Variants in BSN observed in about 807,000 individuals in gnomAD.
BSN encodes the protein bassoon presynaptic cytomatrix protein.
A neutral mutation model predicts 264.8 loss-of-function variants in BSN; 57 were observed. That is an observed-to-expected ratio of 0.22 (90% CI 0.17 to 0.27). The LOEUF (loss-of-function observed/expected upper bound fraction) is 0.27. BSN is among the 10% of genes least tolerant of loss of function. The pLI is 1.00. For synonymous variants in BSN, 2,059 were observed against 2,137.3 expected (o/e 0.96, Z 1.01); for missense variants, 4,615 against 5,232.5 (o/e 0.88, Z 3.64).
At position 49,653,963 on chromosome 3, in the gene BSN, A is replaced by G. The variant is rs775040854; in HGVS notation, c.4407A>G (p.Ala1469=). 1 of 1,614,038 alleles carries G rather than the reference A, an allele frequency of 6.2e-7. No individual in the cohort carries two copies. The highest frequency in any genetic ancestry group is 2.2e-5 in the East Asian group (1 of 44,868). The part of the protein sequence containing the change: ...GEGGTPQPSR[A]YSYFASSSPP... ...GTGGCACTCCTCAGCCTTCCCGGGC[A>G]TATTCCTACTTTGCAAGCTCCAGCC... The change falls in exon 5 of 12, where the codon GCA becomes GCG. Residue 1469 remains alanine, a synonymous_variant. Coordinates refer to ENST00000296452, the MANE Select transcript of BSN (RefSeq NM_003458.4). The surrounding 1 kb of genome is among the most constrained non-coding windows in gnomAD (Gnocchi z 6.3).
chr3:49,645,005 T>C (rs2052494586), intron 3 of BSN, among the ~76,000 whole-genome samples: 1 of 152,204 alleles, frequency 6.6e-6, no homozygotes, highest in Non-Finnish European at 1.5e-5. Flanking sequence ...CTGGCTATCC[T>C]GGACCCTGGA....
At position 49,654,513 on chromosome 3, in the gene BSN, A is replaced by G; in HGVS notation, c.4957A>G (p.Arg1653Gly). The change falls in exon 5 of 12, where the codon AGG becomes GGG. Residue 1653 changes from arginine (R) to glycine (G), a missense_variant. Arg to Gly is a moderately radical substitution (Grantham distance 125). This residue lies in a region of BSN where 3,415 missense variants were observed against 3,866.4 expected (regional missense o/e 0.88). Coordinates refer to ENST00000296452, the MANE Select transcript of BSN (RefSeq NM_003458.4). The surrounding 1 kb of genome is among the most constrained non-coding windows in gnomAD (Gnocchi z 4.1). ...GATCTCCTCTGTCCCTGGGACGTCT[A>G]GGGTTGAGCCAGGCCCCAGGACCCC... Reference protein sequence around the residue: ...CRISSVPGTSRVEPGPRTPGT... With the variant: ...CRISSVPGTSGVEPGPRTPGT... The G allele has an allele frequency of 6.2e-7, 1 of 1,611,248 alleles. No individual in the cohort carries two copies. Among genetic ancestry groups the G allele is most frequent in the Non-Finnish European group, 8.5e-7 (1 of 1,178,716 alleles).
At chr3:49,565,257 T>G (rs1331597724) in intron 1 of BSN, among the ~76,000 whole-genome samples, 1 of 147,180 alleles carries the variant, frequency 6.8e-6, no homozygotes, top group Non-Finnish European at 1.5e-5. Flanking sequence ...GCCATTCTCC[T>G]GCCTCAGCCT....
Position 49,625,151 on chromosome 3 carries a change from GGACACAGAGAT to G in BSN, c.402_412del (p.Arg134SerfsTer143). ...CGCAGGACGCTGCAGGTAGACAGCA[GGACACAGAGAT>G]CAGGGCGGTCCCCCTCAGTGTCACC... On this transcript the variant is annotated frameshift_variant, in exon 2 of 12. Coordinates refer to ENST00000296452, the MANE Select transcript of BSN (RefSeq NM_003458.4). LOFTEE classifies it high-confidence loss of function. The surrounding 1 kb of genome is among the most constrained non-coding windows in gnomAD (Gnocchi z 4.4). 6.3e-7 allele frequency: 1 copy of G among 1,584,726 alleles called. No individual in the cohort carries two copies.
At chr3:49,587,777 T>C (rs184892754) in intron 1 of BSN, among the ~76,000 whole-genome samples, 39 of 152,202 alleles carry the variant, frequency 2.6e-4, no homozygotes, top group Middle Eastern at 3.4e-3. Flanking sequence ...CCTATGCAAA[T>C]GTCTGATTGG....
rs1486797290 is a variant in BSN, at chr3:49,603,055, C to T, written c.225-21920C>T. ...AGCAGATTCAGCCTGACCCACTTGG[C>T]CATACCTGCCTCTCACTGGGCAGCT... is the stretch of plus-strand genomic sequence containing the variant. On this transcript the variant is annotated intron_variant, in intron 1 of 11. Transcript: ENST00000296452. 3.3e-5 allele frequency among the ~76,000 whole-genome samples: 5 copies of T among 152,082 alleles called. No individual in the cohort carries two copies. The East Asian group carries it at 9.6e-4, about 29-fold the overall frequency.
chr3:49,583,322 A>G (rs766405301), intron 1 of BSN, among the ~76,000 whole-genome samples: 2 of 152,222 alleles, frequency 1.3e-5, no homozygotes, highest in African/African-American at 2.4e-5. Flanking sequence ...AATAAAGCCC[A>G]ATAGAAGGAT....
chr3:49,658,280 G>A (rs1266315027), intron 5 of BSN, 84 bp downstream of exon 5: 1 of 1,444,472 alleles, frequency 6.9e-7, no homozygotes. Context: ...CTTCTTCTGG[G>A]GTGGGAGTAG....
chr3:49,649,375 A>T (rs1272414589), intron 3 of BSN, among the ~76,000 whole-genome samples: 1 of 152,214 alleles, frequency 6.6e-6, no homozygotes, highest in Non-Finnish European at 1.5e-5. Flanking sequence ...TGCAGGACGG[A>T]TGGAGCACTA....
At position 49,662,261 on chromosome 3, in the gene BSN, T is replaced by C. The variant is rs767096198; in HGVS notation, c.10416T>C (p.Ala3472=). 3.7e-6 allele frequency: 6 copies of C among 1,613,862 alleles called. No homozygotes were observed. In the Admixed American group the frequency reaches 6.7e-5, roughly 18 times the overall value. ...AGGGGTACGAAAGGGAACGGGAGGC[T>C]GTGGAGCGACTTCAAAAAGCGGGCC... The part of the protein sequence containing the change: ...WGKGYERERE[A]VERLQKAGPK... Residue 3472 remains alanine, a synonymous_variant, in exon 6 of 12, where the codon GCT becomes GCC. Coordinates refer to ENST00000296452, the MANE Select transcript of BSN (RefSeq NM_003458.4).
chr3:49,651,695 GA>G lies in BSN; in HGVS notation c.2140del (p.Thr714GlnfsTer97). The G allele has an allele frequency of 6.2e-7, 1 of 1,614,068 alleles. No individual in the cohort carries two copies. The highest frequency in any genetic ancestry group is 8.5e-7 in the Non-Finnish European group (1 of 1,180,002). On this transcript the variant is annotated frameshift_variant, in exon 5 of 12. Coordinates refer to ENST00000296452, the MANE Select transcript of BSN (RefSeq NM_003458.4). LOFTEE classifies it high-confidence loss of function. This position sits in a 1 kb window ranked among gnomAD's most constrained non-coding sequence, Gnocchi z 5.4. The stretch of plus-strand genomic sequence containing the variant: ...TGGAACAGCTGGACAGTGCAGGGGT[GA>G]CAGGGCCACATCCACCCAGCCCCTC... ...EVEQLDSAGV[T>X]GPHPPSPSEI...
rs572455487 is a variant in BSN, at chr3:49,577,251, A to G, written c.224+22425A>G. Among the ~76,000 whole-genome samples the G allele has an allele frequency of 3.9e-5, 6 of 152,322 alleles. No homozygotes were observed. In the South Asian group the frequency reaches 1.2e-3, roughly 32 times the overall value. On this transcript the variant is annotated intron_variant, in intron 1 of 11. Coordinates refer to ENST00000296452, the MANE Select transcript of BSN (RefSeq NM_003458.4). ...CTCTAAATTTACCCCAGGAATATGAATTTTGAATTTCTAGGCAATCAAATT... is the reference window on the plus strand; with the variant it reads ...CTCTAAATTTACCCCAGGAATATGAGTTTTGAATTTCTAGGCAATCAAATT...
intron 2 of BSN, among the ~76,000 whole-genome samples, chr3:49,635,344 A>G (rs1362162965): frequency 6.6e-6 from 1 of 152,182 alleles, no homozygotes; most frequent in Non-Finnish European, 1.5e-5. Flanking sequence ...TAGAAAGGCC[A>G]GCAAGTGGAG....
chr3:49,646,742 T>C (rs1575446418), intron 3 of BSN, among the ~76,000 whole-genome samples: 1 of 152,162 alleles, frequency 6.6e-6, no homozygotes, highest in South Asian at 2.1e-4. Flanking sequence ...GTGGCTGGTG[T>C]AAGCTTTTGG....
chr3:49,659,365 TAAGAA>T (rs1267462037), intron 5 of BSN, among the ~76,000 whole-genome samples: 2 of 152,024 alleles, frequency 1.3e-5, no homozygotes, highest in African/African-American at 2.4e-5. Context: ...GTGGCCAAAA[TAAGAA>T]AAGAGACAAC....
At chr3:49,564,180 G>A (rs1241686868) in intron 1 of BSN, among the ~76,000 whole-genome samples, 1 of 152,178 alleles carries the variant, frequency 6.6e-6, no homozygotes, top group Non-Finnish European at 1.5e-5. Context: ...GGCTCAGCAT[G>A]TCACTTGGAC....
downstream of BSN, among the ~76,000 whole-genome samples, chr3:49,673,045 C>T (rs1195630515): frequency 1.5e-5 from 2 of 135,398 alleles, no homozygotes; most frequent in African/African-American, 5.5e-5. Context: ...TTCCAAAGTG[C>T]AGGGATTACA....
At chr3:49,629,597 T>C (rs777975859) in intron 2 of BSN, among the ~76,000 whole-genome samples, 1 of 152,218 alleles carries the variant, frequency 6.6e-6, no homozygotes, top group Non-Finnish European at 1.5e-5. Flanking sequence ...TGCCAGTCTG[T>C]CCTCATCCTC....
rs1405344847 is a variant in BSN, at chr3:49,657,111, C to T, written c.7555C>T (p.Leu2519Phe). 6.2e-7 allele frequency: 1 copy of T among 1,612,124 alleles called. No individual in the cohort carries two copies. The highest frequency in any genetic ancestry group is 8.5e-7 in the Non-Finnish European group (1 of 1,179,142). The change falls in exon 5 of 12, where the codon CTT (leucine) becomes TTT (phenylalanine). Residue 2519 changes from leucine (L) to phenylalanine (F), a missense_variant. Physicochemically the swap from Leu to Phe is conservative, Grantham distance 22 (BLOSUM62 0). Around this residue, in one of 3 missense-constraint regions of BSN, gnomAD observed 3,415 missense variants for 3,866.4 expected, o/e 0.88. Coordinates refer to ENST00000296452, the MANE Select transcript of BSN (RefSeq NM_003458.4). ...CATTGCCATGGCAGGGCCTGAAGGA[C>T]TTGGGCAGCCTCGTGAGCCTGTGCT... ...AFIAMAGPEG[L>F]GQPREPVLHR...
Sources: allele counts gnomAD v4.1 joint callset (sites outside exome capture counted in the v4.1 genomes callset), GRCh38; gene constraint gnomAD v4.1.1; regional missense constraint gnomAD v4.1.1; non-coding constraint Gnocchi (gnomAD v3.1); transcripts MANE v1.5; gene names NCBI Gene and HGNC (gene_info 2026-07-23, HGNC 2026-07-21).